Variants in NR2F1 observed in about 807,000 individuals in gnomAD.
NR2F1 encodes the protein COUP transcription factor 1.
A neutral mutation model predicts 37.7 loss-of-function variants in NR2F1; 1 was observed. That is an observed-to-expected ratio of 0.03 (90% CI 0.01 to 0.13). NR2F1 has a LOEUF of 0.13. NR2F1 is among the 10% of genes least tolerant of loss of function. NR2F1 has a pLI of 1.00. For synonymous variants in NR2F1, 275 were observed against 259.6 expected (o/e 1.06, Z -0.57); for missense variants, 268 against 578.4 (o/e 0.46, Z 5.50).
chr5:93,593,329 C>T lies in NR2F1; in HGVS notation c.992-233C>T, dbSNP rs1399743341. On this transcript the variant is annotated intron_variant, in intron 2 of 2. Coordinates refer to ENST00000327111, the MANE Select transcript of NR2F1 (RefSeq NM_005654.6). This position sits in a 1 kb window ranked among gnomAD's most constrained non-coding sequence, Gnocchi z 5.6. ...TGCCTCTCTCTCCAGCTCCCCTAGG[C>T]TTGGTGGGGGTTTGATTTATTTTTA... 6.7e-6 allele frequency among the ~76,000 whole-genome samples: 1 copy of T among 149,532 alleles called. No individual in the cohort carries two copies. Among genetic ancestry groups the T allele is most frequent in the Admixed American group, 6.6e-5 (1 of 15,058 alleles).
In NR2F1 at chr5:93,588,469, C is replaced by T. The variant is rs373813261; in HGVS notation, c.991+25C>T. The T allele has an allele frequency of 2.1e-5, 31 of 1,486,738 alleles. No homozygotes were observed. The East Asian group carries it at 6.3e-4, about 30-fold the overall frequency. The allele number at this position is 1,486,738 out of a possible 1,614,324, so 92.1% of individuals were successfully genotyped here. A position where few individuals can be genotyped will look rare whatever the true frequency, so the allele number is the denominator to read the frequency against. On this transcript the variant is annotated intron_variant, in intron 2 of 2. Coordinates refer to ENST00000327111, the MANE Select transcript of NR2F1 (RefSeq NM_005654.6). ...GGTGAGGCTGCGGTCGCGGGGAGGG[C>T]AGGCCGCGCCGGCAGCGAGCGCAGG...
Position 93,585,107 on chromosome 5 carries a change from G to A in NR2F1, c.84G>A (p.Gln28=). Residue 28 remains glutamine, a synonymous_variant, in exon 1 of 3, where the codon CAG becomes CAA. Transcript: ENST00000327111. ...GNPGGPNPAA[Q]AARGGGGGAG... ...CCGGCGGCCCCAACCCCGCAGCGCA[G>A]GCGGCCCGCGGCGGCGGCGGCGGCG... 6.0e-6 allele frequency: 6 copies of A among 993,540 alleles called. No homozygotes were observed. The highest frequency in any genetic ancestry group is 7.2e-6 in the Non-Finnish European group (6 of 837,620). The allele number at this position is 993,540 out of a possible 1,614,324, so 61.5% of individuals were successfully genotyped here. A position where few individuals can be genotyped will look rare whatever the true frequency, so the allele number is the denominator to read the frequency against.
rs947812718 is a variant in NR2F1 at position 93,593,185 on chromosome 5, C to T, written c.992-377C>T. Reference sequence around the variant, plus strand: ...GCACGGCCAGAAAGATGCTCCCTTGCAGGCCGAGGACAGGTTGTTAAGCGC... The same window carrying T: ...GCACGGCCAGAAAGATGCTCCCTTGTAGGCCGAGGACAGGTTGTTAAGCGC... On this transcript the variant is annotated intron_variant, in intron 2 of 2. Coordinates refer to ENST00000327111, the MANE Select transcript of NR2F1 (RefSeq NM_005654.6). This position sits in a 1 kb window ranked among gnomAD's most constrained non-coding sequence, Gnocchi z 5.6. Among the ~76,000 whole-genome samples, 2 of 152,182 alleles carry T rather than the reference C, an allele frequency of 1.3e-5. No individual in the cohort carries two copies. The highest frequency in any genetic ancestry group is 2.9e-5 in the Non-Finnish European group (2 of 68,046).
At chr5:93,586,749 C>T (rs2149942398) in intron 1 of NR2F1, among the ~76,000 whole-genome samples, 1 of 151,534 alleles carries the variant, frequency 6.6e-6, no homozygotes, top group East Asian at 1.9e-4. Flanking sequence ...TTGAATTGTA[C>T]TCTCACTTAA....
Position 93,588,262 on chromosome 5 carries a change from C to A in NR2F1, c.809C>A (p.Pro270Gln), listed in dbSNP as rs771826396. ...CTCAACGCGGCCCAGTGCTCTATGC[C>A]GCTGCACGTGGCGCCGTTGCTGGCC... ...FVLNAAQCSM[P>Q]LHVAPLLAAA... The change falls in exon 2 of 3, where the codon CCG becomes CAG. Residue 270 changes from proline to glutamine, a missense_variant. Physicochemically the swap from Pro to Gln is moderately conservative, Grantham distance 76. Around this residue, in one of 5 missense-constraint regions of NR2F1, gnomAD observed 21 missense variants for 94.5 expected, o/e 0.22. Coordinates refer to ENST00000327111, the MANE Select transcript of NR2F1 (RefSeq NM_005654.6). 1 of 1,613,532 alleles carries A rather than the reference C, an allele frequency of 6.2e-7. No individual in the cohort carries two copies.
Position 93,583,614 on chromosome 5 carries a change from G to A in NR2F1, c.-1410G>A, listed in dbSNP as rs1753168805. 1.3e-5 allele frequency: 2 copies of A among 151,714 alleles called. No individual in the cohort carries two copies. Among genetic ancestry groups the A allele is most frequent in the African/African-American group, 2.4e-5 (1 of 41,318 alleles). The allele number at this position is 151,714 out of a possible 1,614,324, so 9.4% of individuals were successfully genotyped here. ...ATACATATATGATTTTTTTTGGAGG[G>A]AGGGTGTTGGTTGCCGGCTGAAGAG... On this transcript the variant is annotated 5_prime_UTR_variant, in exon 1 of 3. Transcript: ENST00000327111.
chr5:93,586,375 C>T (rs1753234337), intron 1 of NR2F1, among the ~76,000 whole-genome samples: 1 of 152,140 alleles, frequency 6.6e-6, no homozygotes, highest in African/African-American at 2.4e-5. Flanking sequence ...GCTTCCACAT[C>T]ATTTAATCCC....
chr5:93,593,323 C>T lies in NR2F1; in HGVS notation c.992-239C>T, dbSNP rs904579513. ...TGTGTGTGCCTCTCTCTCCAGCTCC[C>T]CTAGGCTTGGTGGGGGTTTGATTTA... On this transcript the variant is annotated intron_variant, in intron 2 of 2. Transcript: ENST00000327111. This position sits in a 1 kb window ranked among gnomAD's most constrained non-coding sequence, Gnocchi z 5.6. Among the ~76,000 whole-genome samples, 3 of 151,996 alleles carry T rather than the reference C, an allele frequency of 2.0e-5. No individual in the cohort carries two copies. The South Asian group carries it at 6.3e-4, about 32-fold the overall frequency.
intron 1 of NR2F1, among the ~76,000 whole-genome samples, chr5:93,586,074 TA>T (rs1017325115): frequency 2.6e-5 from 4 of 152,126 alleles, no homozygotes; most frequent in Non-Finnish European, 4.4e-5. Flanking sequence ...TAGGTCTAAT[TA>T]GGGGGGAAGG....
chr5:93,590,779 A>G (rs1205474961), intron 2 of NR2F1, among the ~76,000 whole-genome samples: 1 of 152,230 alleles, frequency 6.6e-6, no homozygotes, highest in African/African-American at 2.4e-5. Context: ...AAGTATTTGA[A>G]GCTGGCACGG....
At chr5:93,589,234 A>T (rs1753290224) in intron 2 of NR2F1, among the ~76,000 whole-genome samples, 1 of 152,246 alleles carries the variant, frequency 6.6e-6, no homozygotes, top group South Asian at 2.1e-4. Flanking sequence ...TGCCTTAAAA[A>T]ATATCAAATT....
intron 2 of NR2F1, among the ~76,000 whole-genome samples, chr5:93,592,753 G>A (rs897685656): frequency 6.8e-6 from 1 of 147,212 alleles, no homozygotes; most frequent in Admixed American, 7.0e-5. Context: ...TGAAGATGTC[G>A]CCTTTCTGCA....
rs1311383533 is a variant in NR2F1, at chr5:93,584,268, A to T, written c.-756A>T. 1 of 148,650 alleles carries T rather than the reference A, an allele frequency of 6.7e-6. No homozygotes were observed. The highest frequency in any genetic ancestry group is 2.0e-4 in the East Asian group (1 of 5,064). 9.2% of individuals were successfully genotyped at this position (148,650 alleles called of 1,614,324 possible). On this transcript the variant is annotated 5_prime_UTR_variant, in exon 1 of 3. Coordinates refer to ENST00000327111, the MANE Select transcript of NR2F1 (RefSeq NM_005654.6). ...CGGCTCCTCCAGCGGCGCTCGCCGC[A>T]GCAGCTCCGGCGGCAGCTCCAGCGG...
At chr5:93,592,173 C>A (rs1262812235) in intron 2 of NR2F1, 3 of 152,202 alleles carry the variant, frequency 2.0e-5, no homozygotes, top group Admixed American at 2.0e-4. Flanking sequence ...AGCTCAGAAA[C>A]TCAGCAGACA....
rs1753171671 is a variant in NR2F1 at position 93,583,743 on chromosome 5, AAG to A, written c.-1278_-1277del. The stretch of plus-strand genomic sequence containing the variant: ...AGAAGAAGCAGAAGAAGGAGCAAGA[AAG>A]AGGAAAAGAAGAGGATTATTTATTC... On this transcript the variant is annotated 5_prime_UTR_variant, in exon 1 of 3. Transcript: ENST00000327111. 1 of 152,164 alleles carries A rather than the reference AAG, an allele frequency of 6.6e-6. No homozygotes were observed. Among genetic ancestry groups the A allele is most frequent in the African/African-American group, 2.4e-5 (1 of 41,432 alleles). The allele number at this position is 152,164 out of a possible 1,614,324, so 9.4% of individuals were successfully genotyped here. A position where few individuals can be genotyped will look rare whatever the true frequency, so the allele number is the denominator to read the frequency against.
chr5:93,584,866 G>C lies in NR2F1; in HGVS notation c.-158G>C, dbSNP rs1053936405. 3 of 160,460 alleles carry C rather than the reference G, an allele frequency of 1.9e-5. No homozygotes were observed. The highest frequency in any genetic ancestry group is 6.7e-5 in the Admixed American group (1 of 14,876). The allele number at this position is 160,460 out of a possible 1,614,324, so 9.9% of individuals were successfully genotyped here. A position where few individuals can be genotyped will look rare whatever the true frequency, so the allele number is the denominator to read the frequency against. ...CGGCGGAGGCAGCGGCCGGTGTCCG[G>C]CTCGGGCTCGGCTCCTGCGACCCCG... is the stretch of plus-strand genomic sequence containing the variant. On this transcript the variant is annotated 5_prime_UTR_variant, in exon 1 of 3. Coordinates refer to ENST00000327111, the MANE Select transcript of NR2F1 (RefSeq NM_005654.6).
chr5:93,583,428 AGTT>A lies in NR2F1; in HGVS notation c.-1592_-1590del, dbSNP rs1040752628. The A allele has an allele frequency of 2.8e-5, 4 of 143,870 alleles. No homozygotes were observed. The highest frequency in any genetic ancestry group is 7.9e-5 in the African/African-American group (3 of 38,208). The allele number at this position is 143,870 out of a possible 1,614,324, so 8.9% of individuals were successfully genotyped here. A position where few individuals can be genotyped will look rare whatever the true frequency, so the allele number is the denominator to read the frequency against. On this transcript the variant is annotated 5_prime_UTR_variant, in exon 1 of 3. Transcript: ENST00000327111. ...TTTCTCTTTTCTTACATATTCTACT[AGTT>A]GTTTTCCCCTTCTTCTTCTCCTTTC...
At chr5:93,588,509 G>A (rs1753271515) in intron 2 of NR2F1, 65 bp downstream of exon 2, 2 of 1,212,622 alleles carry the variant, frequency 1.6e-6, no homozygotes, top group African/African-American at 3.2e-5. Flanking sequence ...GCGCCGCCCG[G>A]GCCTGGCCTT....
chr5:93,585,036 G>A lies in NR2F1; in HGVS notation c.13G>A (p.Val5Ile). The A allele has an allele frequency of 9.7e-7, 1 of 1,029,256 alleles. No individual in the cohort carries two copies. Among genetic ancestry groups the A allele is most frequent in the Non-Finnish European group, 1.2e-6 (1 of 859,170 alleles). 63.8% of individuals were successfully genotyped at this position (1,029,256 alleles called of 1,614,324 possible). ...CGGGCCCAAAGATATGGCAATGGTAGTTAGCAGCTGGCGAGATCCGCAGGA... is the reference window on the plus strand; with the variant it reads ...CGGGCCCAAAGATATGGCAATGGTAATTAGCAGCTGGCGAGATCCGCAGGA... MAMV[V>I]SSWRDPQDDV... The change falls in exon 1 of 3, where the codon GTT (valine) becomes ATT (isoleucine). Residue 5 changes from valine (V) to isoleucine (I), a missense_variant. This residue lies in a region of NR2F1 where 90 missense variants were observed against 106.5 expected (regional missense o/e 0.85). Coordinates refer to ENST00000327111, the MANE Select transcript of NR2F1 (RefSeq NM_005654.6).
Sources: gnomAD v4.1 joint callset for allele counts (sites outside exome capture counted in the v4.1 genomes callset) on GRCh38, gnomAD v4.1.1 for gene constraint, gnomAD v4.1.1 regional missense constraint, Gnocchi (gnomAD v3.1) non-coding constraint, MANE v1.5 for transcripts, NCBI Gene and HGNC (gene_info 2026-07-23, HGNC 2026-07-21) for gene names.